Variants in ROBO2 observed in about 807,000 individuals in gnomAD.
The protein encoded by ROBO2 is roundabout guidance receptor 2.
ROBO2 carries 53 observed loss-of-function variants against 160.8 expected under a neutral mutation model. The observed-to-expected ratio is 0.33, with a 90% CI of 0.26 to 0.41. The LOEUF (loss-of-function observed/expected upper bound fraction) is 0.41. Among genes scored for constraint, ROBO2 ranks in the 10% least tolerant of loss-of-function variants. The pLI is 1.00. For synonymous variants in ROBO2, 664 were observed against 611.7 expected, an observed-to-expected ratio of 1.09 and a Z score of -1.26; for missense variants, 1,577 against 1,722.4, an observed-to-expected ratio of 0.92 and a Z score of 1.49.
At chr3:76,239,159 G>A (rs1481040924) in intron 2 of ROBO2, among the ~76,000 whole-genome samples, 1 of 152,074 alleles carries the variant, frequency 6.6e-6, no homozygotes. Context: ...GATGACTTTG[G>A]TAGAATGGTA....
At chr3:76,449,113 G>C (rs976661573) in intron 2 of ROBO2, among the ~76,000 whole-genome samples, 3 of 151,906 alleles carry the variant, frequency 2.0e-5, no homozygotes, top group Admixed American at 6.6e-5. Flanking sequence ...AATGGAACAG[G>C]GTTCTCCAAA....
chr3:77,606,403 C>T lies in ROBO2; in HGVS notation c.3137-1395C>T, dbSNP rs541425765. On this transcript the variant is annotated intron_variant, in intron 20 of 25. Transcript: ENST00000461745. ...CTTATCCAGTAAGTGGGAAACTGGT[C>T]TGTAAACCCAGATACGAAACTCTTG... Among the ~76,000 whole-genome samples, 16 of 152,282 alleles carry T rather than the reference C, an allele frequency of 1.1e-4. No homozygotes were observed. In the East Asian group the frequency reaches 3.1e-3, roughly 29 times the overall value.
chr3:76,903,632 T>C (rs1263422833), intron 2 of ROBO2, among the ~76,000 whole-genome samples: 1 of 152,158 alleles, frequency 6.6e-6, no homozygotes, highest in Non-Finnish European at 1.5e-5. Context: ...TTCAATCTCC[T>C]AGATTTGCCA....
intron 2 of ROBO2, among the ~76,000 whole-genome samples, chr3:77,124,576 T>C (rs2075133547): frequency 1.3e-5 from 2 of 152,112 alleles, no homozygotes; most frequent in Non-Finnish European, 1.5e-5. Context: ...GTTATATAAA[T>C]GTGGAGTTGT....
chr3:76,275,216 A>C (rs1458478734), intron 2 of ROBO2, among the ~76,000 whole-genome samples: 2 of 152,202 alleles, frequency 1.3e-5, no homozygotes, highest in Non-Finnish European at 2.9e-5. Flanking sequence ...AAGGATGAGT[A>C]GTTTGAGTTT....
intron 2 of ROBO2, among the ~76,000 whole-genome samples, chr3:77,272,308 C>T (rs2059544303): frequency 6.6e-6 from 1 of 152,090 alleles, no homozygotes; most frequent in African/African-American, 2.4e-5. Flanking sequence ...GTTCCACAAG[C>T]TGTAGAGGCA....
At chr3:76,407,607 A>G (rs963076941) in intron 2 of ROBO2, among the ~76,000 whole-genome samples, 13 of 152,026 alleles carry the variant, frequency 8.6e-5, no homozygotes, top group African/African-American at 3.1e-4. Flanking sequence ...ATAGGAAAAA[A>G]TGTCAAAGTG....
At chr3:76,081,524 C>T (rs1398780220) in intron 2 of ROBO2, among the ~76,000 whole-genome samples, 1 of 152,024 alleles carries the variant, frequency 6.6e-6, no homozygotes, top group African/African-American at 2.4e-5. Context: ...TTTTTCAACA[C>T]CTGGCATAGA....
chr3:76,159,466 A>AT (rs1297858040), intron 2 of ROBO2, among the ~76,000 whole-genome samples: 4 of 151,986 alleles, frequency 2.6e-5, no homozygotes, highest in Non-Finnish European at 4.4e-5. Flanking sequence ...CACATTTTAA[A>AT]TTTTTTTTGG....
At chr3:76,825,082 C>T (rs2066447420) in intron 2 of ROBO2, among the ~76,000 whole-genome samples, 1 of 152,136 alleles carries the variant, frequency 6.6e-6, no homozygotes, top group African/African-American at 2.4e-5. Context: ...GGCAGTCATG[C>T]CCTAGGAGTA....
intron 2 of ROBO2, among the ~76,000 whole-genome samples, chr3:75,996,230 T>G (rs561500466): frequency 1.3e-5 from 2 of 152,260 alleles, no homozygotes; most frequent in South Asian, 4.2e-4. Flanking sequence ...ATTCCTATAA[T>G]CTCTACATGT....
At chr3:76,056,173 A>G (rs1343932822) in intron 2 of ROBO2, among the ~76,000 whole-genome samples, 1 of 152,224 alleles carries the variant, frequency 6.6e-6, no homozygotes, top group Non-Finnish European at 1.5e-5. Context: ...ACAACTCTGT[A>G]GATAATTTAA....
At chr3:76,943,331 C>A (rs953842499) in intron 2 of ROBO2, among the ~76,000 whole-genome samples, 3 of 151,962 alleles carry the variant, frequency 2.0e-5, no homozygotes, top group Admixed American at 6.6e-5. Context: ...TAGTTGTGTC[C>A]CCAGACCTGG....
In ROBO2 at chr3:77,528,254, A is replaced by G. The variant is rs141621256; in HGVS notation, c.934+5352A>G. On this transcript the variant is annotated intron_variant, in intron 6 of 25. Transcript: ENST00000461745. The stretch of plus-strand genomic sequence containing the variant: ...ATGGATGCATAAATGGATGGATGAA[A>G]GAGTGACCAAATTTAGTACACTGCT... Among the ~76,000 whole-genome samples the G allele has an allele frequency of 9.9e-5, 15 of 151,790 alleles. No individual in the cohort carries two copies. In the East Asian group the frequency reaches 2.9e-3, roughly 30 times the overall value.
chr3:77,245,783 A>G (rs1023893907), intron 2 of ROBO2, among the ~76,000 whole-genome samples: 6 of 152,208 alleles, frequency 3.9e-5, no homozygotes, highest in Admixed American at 1.3e-4. Flanking sequence ...TTAGGATTAC[A>G]ATGGAACCAT....
chr3:77,388,319 C>T (rs887368008), intron 2 of ROBO2, among the ~76,000 whole-genome samples: 6 of 152,128 alleles, frequency 3.9e-5, no homozygotes, highest in African/African-American at 1.4e-4. Flanking sequence ...GAGGCTGGGG[C>T]TGGACAATCA....
chr3:76,406,130 T>A (rs1273719009), intron 2 of ROBO2, among the ~76,000 whole-genome samples: 2 of 151,786 alleles, frequency 1.3e-5, no homozygotes, highest in Non-Finnish European at 2.9e-5. Flanking sequence ...TGTATGAATA[T>A]TTTACATCAA....
At chr3:76,965,901 T>C (rs993874380) in intron 2 of ROBO2, among the ~76,000 whole-genome samples, 2 of 148,038 alleles carry the variant, frequency 1.4e-5, no homozygotes, top group Non-Finnish European at 3.0e-5. Context: ...TTTAAATGAT[T>C]TTTTAGCTAG....
At chr3:75,990,740 A>G (rs932966540) in intron 2 of ROBO2, among the ~76,000 whole-genome samples, 2 of 152,168 alleles carry the variant, frequency 1.3e-5, no homozygotes, top group Non-Finnish European at 2.9e-5. Context: ...TTCTTTGTCT[A>G]GTCCTTGTCT....
Sources: gnomAD v4.1 joint callset for allele counts (sites outside exome capture counted in the v4.1 genomes callset) on GRCh38, gnomAD v4.1.1 for gene constraint, MANE v1.5 for transcripts, NCBI Gene and HGNC (gene_info 2026-07-23, HGNC 2026-07-21) for gene names.